The following CATSPERZ variants were observed in gnomAD, a reference collection of about 807,000 sequenced individuals.
CATSPERZ encodes the protein cation channel sperm-associated auxiliary subunit zeta.
In CATSPERZ, 21 loss-of-function variants were observed where a neutral mutation model predicts 21.7. That is an observed-to-expected ratio of 0.97 (90% CI 0.69 to 1.39). CATSPERZ has a LOEUF of 1.39. Ranked by LOEUF, CATSPERZ falls within the 40% of genes most tolerant of loss-of-function variation. CATSPERZ has a pLI of 0.00. For synonymous variants in CATSPERZ, 127 were observed against 108.7 expected (o/e 1.17, Z -1.05); for missense variants, 234 against 259.5 (o/e 0.90, Z 0.68).
At position 64,304,526 on chromosome 11, in the gene CATSPERZ, C is replaced by T. The variant is rs1398912655; in HGVS notation, c.500-17C>T. ...CGGTTGCTCACTGCCCTGAGCCGAG[C>T]TCTGCCCTCCTCCTAGGCTACCAGT... On this transcript the variant is annotated splice_polypyrimidine_tract_variant and intron_variant, in intron 4 of 4. Transcript: ENST00000328404. 1 of 1,564,756 alleles carries T rather than the reference C, an allele frequency of 6.4e-7. No homozygotes were observed. The highest frequency in any genetic ancestry group is 1.4e-5 in the African/African-American group (1 of 73,464).
intron 2 of CATSPERZ, among the ~76,000 whole-genome samples, chr11:64,303,212 A>T: frequency 6.6e-6 from 1 of 152,122 alleles, no homozygotes; most frequent in East Asian, 1.9e-4. Context: ...AGCTGTTCTT[A>T]TTACCCCATT....
At chr11:64,304,141 G>A (rs1172576452) in intron 4 of CATSPERZ, among the ~76,000 whole-genome samples, 1 of 152,204 alleles carries the variant, frequency 6.6e-6, no homozygotes, top group Non-Finnish European at 1.5e-5. Flanking sequence ...GACCGCCTTG[G>A]TGTGGCCTCG....
Position 64,300,729 on chromosome 11 carries a change from A to C in CATSPERZ, c.94A>C (p.Thr32Pro), listed in dbSNP as rs1186747052. The change falls in exon 2 of 5, where the codon ACC becomes CCC. Residue 32 changes from threonine (T) to proline (P), a missense_variant. Physicochemically the swap from Thr to Pro is conservative, Grantham distance 38. Transcript: ENST00000328404. ...GCATAGCGACACTCGGGACCTGTGG[A>C]CCACGACCACGCTGTCCCAGGCACA... ...SVHSDTRDLW[T>P]TTTLSQAQLN... The C allele has an allele frequency of 1.3e-6, 2 of 1,551,344 alleles. No homozygotes were observed. The highest frequency in any genetic ancestry group is 2.7e-5 in the African/African-American group (2 of 73,058).
At position 64,304,766 on chromosome 11, in the gene CATSPERZ, C is replaced by A; in HGVS notation, c.*120C>A. The A allele has an allele frequency of 1.2e-6, 1 of 837,754 alleles. No homozygotes were observed. Among genetic ancestry groups the A allele is most frequent in the Non-Finnish European group, 1.8e-6 (1 of 541,466 alleles). 51.9% of individuals were successfully genotyped at this position (837,754 alleles called of 1,614,324 possible). A position where few individuals can be genotyped will look rare whatever the true frequency, so the allele number is the denominator to read the frequency against. On this transcript the variant is annotated 3_prime_UTR_variant, in exon 5 of 5. Coordinates refer to ENST00000328404, the MANE Select transcript of CATSPERZ (RefSeq NM_001039496.2). ...TCCTAAAGAAATAAAAGAGTCGATG[C>A]ATGGTCCGTGAGTCAGTGCAGGACA...
chr11:64,302,886 C>CT (rs71045759), intron 2 of CATSPERZ, among the ~76,000 whole-genome samples: 7,386 of 122,358 alleles, frequency 0.06, 254 homozygotes, highest in South Asian at 0.12. Context: ...AAGAGCTGTT[C>CT]TTTTTTTTTT....
chr11:64,302,269 T>A (rs965421169), intron 2 of CATSPERZ, among the ~76,000 whole-genome samples: 1 of 151,494 alleles, frequency 6.6e-6, no homozygotes, highest in East Asian at 1.9e-4. Context: ...GCTATTTATT[T>A]TTTATTTATT....
At chr11:64,304,061 G>C (rs1486887650) in intron 4 of CATSPERZ, among the ~76,000 whole-genome samples, 1 of 152,222 alleles carries the variant, frequency 6.6e-6, no homozygotes, top group Non-Finnish European at 1.5e-5. Flanking sequence ...CTGGGCTCCA[G>C]GCTGAGTGCA....
intron 4 of CATSPERZ, 89 bp from the exon 5 acceptor site, chr11:64,304,454 C>A: frequency 1.1e-6 from 1 of 948,340 alleles, no homozygotes; most frequent in Admixed American, 2.5e-5. Context: ...GAATCATCTG[C>A]GGTTCCTCGA....
chr11:64,300,511 T>C (rs1267031803), intron 1 of CATSPERZ, 80 bp downstream of exon 1: 2 of 1,561,312 alleles, frequency 1.3e-6, no homozygotes, highest in Admixed American at 3.7e-5. Context: ...CGCTATTTCT[T>C]ACTCAGCCTT....
chr11:64,304,470 A>C, intron 4 of CATSPERZ, 73 bp from the exon 5 acceptor site: 1 of 1,185,896 alleles, frequency 8.4e-7, no homozygotes, highest in Non-Finnish European at 1.2e-6. Flanking sequence ...CTCGAATCAC[A>C]CATGCGGCGC....
rs183214154 is a variant in CATSPERZ at position 64,302,640 on chromosome 11, T to C, written c.353-842T>C. Among the ~76,000 whole-genome samples the C allele has an allele frequency of 7.5e-3, 1,143 of 152,288 alleles. 9 individuals carry two copies. The highest frequency in any genetic ancestry group is 0.026 in the African/African-American group (1,078 of 41,556). On this transcript the variant is annotated intron_variant, in intron 2 of 4. Transcript: ENST00000328404. ...CATGCTGGAGTGCAATGGTGCGATC[T>C]TGGCTCACTGCAACTTCCGCCTCCC...
At position 64,303,793 on chromosome 11, in the gene CATSPERZ, A is replaced by G. The variant is rs1407174453; in HGVS notation, c.453A>G (p.Glu151=). 5.0e-6 allele frequency: 8 copies of G among 1,600,628 alleles called. No homozygotes were observed. The highest frequency in any genetic ancestry group is 6.0e-6 in the Non-Finnish European group (7 of 1,173,996). Residue 151 remains glutamate (E), a synonymous_variant, in exon 4 of 5, where the codon GAA becomes GAG. Coordinates refer to ENST00000328404, the MANE Select transcript of CATSPERZ (RefSeq NM_001039496.2). ...QQSRLPLPLM[E]LMENEALEIL... ...TCCAGCTGCCACTGCCCCTGATGGA[A>G]CTCATGGAGAATGAAGCTCTGGAAA...
Position 64,303,753 on chromosome 11 carries a change from G to A in CATSPERZ, c.433-20G>A. ...AGAGATGAAGTACCTGGACGCCTAA[G>A]CCTCTTGCTGCTTCTCCAGCTGCCA... On this transcript the variant is annotated intron_variant, in intron 3 of 4. Transcript: ENST00000328404. 4.4e-6 allele frequency: 7 copies of A among 1,586,544 alleles called. No homozygotes were observed. The highest frequency in any genetic ancestry group is 6.0e-6 in the Non-Finnish European group (7 of 1,166,726).
At position 64,301,001 on chromosome 11, in the gene CATSPERZ, CGCCAG is replaced by C; in HGVS notation, c.352+18_352+22del. On this transcript the variant is annotated intron_variant, in intron 2 of 4. Transcript: ENST00000328404. Reference sequence around the variant, plus strand: ...AGATCGAGGCCGGTCAGTGTGGCCTCGCCAGGCCGTGGGCACCCGCAGGGCAATAA... The same window carrying C: ...AGATCGAGGCCGGTCAGTGTGGCCTCGCCGTGGGCACCCGCAGGGCAATAA... 1 of 1,508,532 alleles carries C rather than the reference CGCCAG, an allele frequency of 6.6e-7. No individual in the cohort carries two copies. The highest frequency in any genetic ancestry group is 8.9e-7 in the Non-Finnish European group (1 of 1,121,384). 93.4% of individuals were successfully genotyped at this position (1,508,532 alleles called of 1,614,324 possible).
chr11:64,301,652 G>C (rs1328644421), intron 2 of CATSPERZ, among the ~76,000 whole-genome samples: 7 of 151,850 alleles, frequency 4.6e-5, no homozygotes, highest in African/African-American at 1.2e-4. Context: ...GGAATTACAG[G>C]CTTGAGTCAC....
At chr11:64,302,601 C>T (rs2034944723) in intron 2 of CATSPERZ, among the ~76,000 whole-genome samples, 1 of 151,644 alleles carries the variant, frequency 6.6e-6, no homozygotes. Flanking sequence ...GAGTCAGATT[C>T]TCACTCTGTT....
At position 64,303,807 on chromosome 11, in the gene CATSPERZ, A is replaced by C. The variant is rs1486169027; in HGVS notation, c.467A>C (p.Glu156Ala). 1 of 1,601,042 alleles carries C rather than the reference A, an allele frequency of 6.2e-7. No individual in the cohort carries two copies. The highest frequency in any genetic ancestry group is 8.5e-7 in the Non-Finnish European group (1 of 1,174,060). ...PLPLMELMEN[E>A]ALEILTKALR... Reference sequence around the variant, plus strand: ...CCCCTGATGGAACTCATGGAGAATGAAGCTCTGGAAATCCTCACCAAAGCC... The same window carrying C: ...CCCCTGATGGAACTCATGGAGAATGCAGCTCTGGAAATCCTCACCAAAGCC... Residue 156 changes from glutamate (E) to alanine (A), a missense_variant, in exon 4 of 5, where the codon GAA becomes GCA. Coordinates refer to ENST00000328404, the MANE Select transcript of CATSPERZ (RefSeq NM_001039496.2).
chr11:64,304,502 G>A (rs1454642214), intron 4 of CATSPERZ, 41 bp from the exon 5 acceptor site: 2 of 1,500,754 alleles, frequency 1.3e-6, no homozygotes, highest in Admixed American at 2.2e-5. Context: ...GAGACCTTTC[G>A]GTTGCTCACT....
At chr11:64,300,619 C>G in intron 1 of CATSPERZ, 38 bp from the exon 2 acceptor site, 1 of 1,512,812 alleles carries the variant, frequency 6.6e-7, no homozygotes. Flanking sequence ...CTCCAGCCAT[C>G]CGCGACCCTT....
Sources: allele counts gnomAD v4.1 joint callset (sites outside exome capture counted in the v4.1 genomes callset), GRCh38; gene constraint gnomAD v4.1.1; transcripts MANE v1.5; gene names NCBI Gene and HGNC (gene_info 2026-07-23, HGNC 2026-07-21).